Variants in CSNK1G3 observed in about 807,000 individuals in gnomAD.
CSNK1G3 encodes casein kinase I isoform gamma-3.
CSNK1G3 carries 23 observed loss-of-function variants against 64.3 expected under a neutral mutation model. That is an observed-to-expected ratio of 0.36 (90% confidence interval 0.26 to 0.51). CSNK1G3 has a LOEUF of 0.51. CSNK1G3 is among the 20% of genes least tolerant of loss of function. CSNK1G3 has a pLI of 0.96. For missense variants in CSNK1G3, 357 were observed against 510.5 expected (o/e 0.70, Z 2.90); for synonymous variants, 158 against 162.2 (o/e 0.97, Z 0.20).
chr5:123,520,115 T>G (rs1402658036), intron 1 of CSNK1G3, among the ~76,000 whole-genome samples: 1 of 151,700 alleles, frequency 6.6e-6, no homozygotes. Flanking sequence ...CACACACACA[T>G]GGAATAATCT....
intron 10 of CSNK1G3, among the ~76,000 whole-genome samples, chr5:123,592,828 C>A (rs1370476853): frequency 1.3e-5 from 2 of 151,650 alleles, no homozygotes; most frequent in South Asian, 2.1e-4. Context: ...GCATCTCATA[C>A]ATAAATTACT....
At chr5:123,575,836 C>T (rs774380806) in exon 6 of CSNK1G3, 1 of 1,613,596 alleles carries the variant, frequency 6.2e-7, no homozygotes, top group Admixed American at 1.7e-5. Flanking sequence ...AAGTTATTCA[C>T]ATTATAGATT....
At chr5:123,579,925 A>C (rs900627609) in intron 6 of CSNK1G3, among the ~76,000 whole-genome samples, 15 of 151,984 alleles carry the variant, frequency 9.9e-5, no homozygotes, top group African/African-American at 3.6e-4. Flanking sequence ...CTAAGATTAC[A>C]TGAATTCCTA....
intron 1 of CSNK1G3, among the ~76,000 whole-genome samples, chr5:123,540,293 GTTTTTGCTCATTAAGACTACAT>G (rs1390881799): frequency 1.3e-5 from 2 of 151,386 alleles, no homozygotes; most frequent in Non-Finnish European, 2.9e-5. Context: ...GAGAATTCCT[GTTTTTGCTCATTAAGACTACAT>G]TTTTTGCTCA....
intron 1 of CSNK1G3, among the ~76,000 whole-genome samples, chr5:123,538,164 C>T (rs1214835939): frequency 2.0e-5 from 3 of 152,098 alleles, no homozygotes; most frequent in Non-Finnish European, 4.4e-5. Context: ...TTTTTGTAAA[C>T]ATACATTTTT....
chr5:123,565,074 A>C (rs1162009661), intron 4 of CSNK1G3, among the ~76,000 whole-genome samples: 1 of 152,242 alleles, frequency 6.6e-6, no homozygotes, highest in East Asian at 1.9e-4. Context: ...AGACATTTTA[A>C]AATCAAGGCA....
At chr5:123,608,781 G>C (rs1795801630) in intron 12 of CSNK1G3, among the ~76,000 whole-genome samples, 1 of 152,176 alleles carries the variant, frequency 6.6e-6, no homozygotes, top group Non-Finnish European at 1.5e-5. Context: ...TAGTTGGTCT[G>C]TGGTGGGGCC....
chr5:123,542,917 A>G (rs1223850840), intron 1 of CSNK1G3, among the ~76,000 whole-genome samples: 1 of 131,138 alleles, frequency 7.6e-6, no homozygotes, highest in Non-Finnish European at 1.6e-5. Flanking sequence ...TTTAGCTATT[A>G]TTCGTTTTTT....
At position 123,599,737 on chromosome 5, in the gene CSNK1G3, C is replaced by T. The variant is rs568503013; in HGVS notation, c.1087-4987C>T. ...TAGTTTTCTGGGGTACTGAAATCTG[C>T]AAAAGAGAGATTGTGGAGGGAGTAT... On this transcript the variant is annotated intron_variant, in intron 10 of 12. Coordinates refer to ENST00000345990, the Ensembl canonical transcript of CSNK1G3. Among the ~76,000 whole-genome samples, 63 of 151,902 alleles carry T rather than the reference C, an allele frequency of 4.1e-4. 1 individual carries two copies. The highest frequency in any genetic ancestry group is 1.4e-3 in the African/African-American group (56 of 41,430).
At chr5:123,531,887 AT>A (rs1779996227) in intron 1 of CSNK1G3, among the ~76,000 whole-genome samples, 1 of 151,896 alleles carries the variant, frequency 6.6e-6, no homozygotes, top group Non-Finnish European at 1.5e-5. Flanking sequence ...AGCAGGGGGT[AT>A]TTCTGTGAGT....
At chr5:123,601,463 A>G (rs1794487880) in intron 10 of CSNK1G3, among the ~76,000 whole-genome samples, 1 of 152,084 alleles carries the variant, frequency 6.6e-6, no homozygotes, top group Non-Finnish European at 1.5e-5. Context: ...AATCTGGGAA[A>G]CCCTGGAAAA....
intron 11 of CSNK1G3, 28 bp from the exon 13 acceptor site, chr5:123,605,311 G>C (rs1302634283): frequency 1.3e-6 from 2 of 1,560,222 alleles, no homozygotes; most frequent in African/African-American, 2.8e-5. Context: ...TTTTTTCCTT[G>C]TATTTTTTTT....
intron 1 of CSNK1G3, among the ~76,000 whole-genome samples, chr5:123,525,077 G>GAC (rs770345665): frequency 0.023 from 3,570 of 152,274 alleles, 66 homozygotes; most frequent in Middle Eastern, 0.037. Flanking sequence ...TAATTCTATT[G>GAC]TAGTTCGTAT....
chr5:123,590,686 G>A (rs1792173471), intron 9 of CSNK1G3, 128 bp downstream of exon 9: 1 of 561,098 alleles, frequency 1.8e-6, no homozygotes, highest in Non-Finnish European at 2.8e-6. Flanking sequence ...GTTTTTTAAG[G>A]GACATTTCTG....
At chr5:123,606,712 A>G (rs1795429448) in intron 12 of CSNK1G3, among the ~76,000 whole-genome samples, 1 of 151,954 alleles carries the variant, frequency 6.6e-6, no homozygotes, top group African/African-American at 2.4e-5. Flanking sequence ...TTACTTCCAT[A>G]CACACACTCT....
At chr5:123,584,365 T>C (rs2150890563) in intron 6 of CSNK1G3, among the ~76,000 whole-genome samples, 1 of 152,334 alleles carries the variant, frequency 6.6e-6, no homozygotes, top group Non-Finnish European at 1.5e-5. Context: ...TTAAAAATCA[T>C]TAATACGTGT....
chr5:123,616,258 T>C (rs1175612198), exon 13 of CSNK1G3: 2 of 152,618 alleles, frequency 1.3e-5, no homozygotes, highest in Non-Finnish European at 2.9e-5. Flanking sequence ...GCCATTATAA[T>C]GTGAAACCAC....
intron 10 of CSNK1G3, among the ~76,000 whole-genome samples, chr5:123,593,101 G>T (rs528417672): frequency 1.3e-5 from 2 of 151,700 alleles, no homozygotes; most frequent in African/African-American, 4.8e-5. Context: ...ACATCTTTCA[G>T]ACATGTCTTG....
At chr5:123,529,788 G>T (rs529989606) in intron 1 of CSNK1G3, among the ~76,000 whole-genome samples, 9 of 152,190 alleles carry the variant, frequency 5.9e-5, no homozygotes, top group Non-Finnish European at 1.0e-4. Context: ...AGATGAAGGT[G>T]CTCTTTGCTT....
Sources: allele counts gnomAD v4.1 joint callset (sites outside exome capture counted in the v4.1 genomes callset), GRCh38; gene constraint gnomAD v4.1.1; transcripts MANE v1.5; gene names NCBI Gene and HGNC (gene_info 2026-07-23, HGNC 2026-07-21).